Variants in RANBP9 observed in about 807,000 individuals in gnomAD.
RANBP9 encodes ran-binding protein 9.
A neutral mutation model predicts 84.3 loss-of-function variants in RANBP9; 15 were observed. The observed-to-expected ratio is 0.18, with a 90% CI of 0.12 to 0.27. The LOEUF is 0.27. Among genes scored for constraint, RANBP9 ranks in the 10% least tolerant of loss-of-function variants. The probability of loss-of-function intolerance (pLI) is 1.00; values close to 1 mark genes in which losing one functional copy is unlikely to be tolerated. For synonymous variants in RANBP9, 392 were observed against 349.6 expected (o/e 1.12, Z -1.35); for missense variants, 809 against 912.8 (o/e 0.89, Z 1.46).
chr6:13,697,925 T>C (rs1757879208), intron 1 of RANBP9, among the ~76,000 whole-genome samples: 1 of 152,220 alleles, frequency 6.6e-6, no homozygotes, highest in African/African-American at 2.4e-5. Flanking sequence ...ATTATCTTCA[T>C]GGGTAGCAGA....
rs185485755 is a variant in RANBP9, at chr6:13,661,730, G to C, written c.684-2898C>G. The stretch of plus-strand genomic sequence containing the variant: ...GAATTGAAAAACATGTTGTTGAACT[G>C]AAAATACACACTACATACTGAGGAA... On this transcript the variant is annotated intron_variant, in intron 2 of 13. Transcript: ENST00000011619. Among the ~76,000 whole-genome samples the C allele has an allele frequency of 1.7e-3, 253 of 152,210 alleles. 1 individual carries two copies. The highest frequency in any genetic ancestry group is 3.1e-3 in the Non-Finnish European group (212 of 68,010).
chr6:13,656,896 A>G lies in RANBP9; in HGVS notation c.904+213T>C, dbSNP rs189142443. 1.5e-3 allele frequency among the ~76,000 whole-genome samples: 225 copies of G among 152,248 alleles called. 1 individual carries two copies. The highest frequency in any genetic ancestry group is 2.3e-3 in the Non-Finnish European group (157 of 68,028). ...ATTATTTCTACAGTAACTCCTATAC[A>G]TATATGTATTATATAGATGGCCTTC... On this transcript the variant is annotated intron_variant, in intron 4 of 13. Coordinates refer to ENST00000011619, the MANE Select transcript of RANBP9 (RefSeq NM_005493.3).
intron 11 of RANBP9, among the ~76,000 whole-genome samples, chr6:13,633,285 C>G (rs901058511): frequency 2.0e-5 from 3 of 152,152 alleles, no homozygotes; most frequent in Non-Finnish European, 4.4e-5. Flanking sequence ...CCGCCCACCT[C>G]GGCCTCCCAA....
At chr6:13,688,852 C>T (rs1641415899) in intron 2 of RANBP9, among the ~76,000 whole-genome samples, 1 of 151,610 alleles carries the variant, frequency 6.6e-6, no homozygotes, top group South Asian at 2.1e-4. Flanking sequence ...ATCTTCCCTA[C>T]TCAAAAAGAT....
rs532454409 is a variant in RANBP9 at position 13,679,936 on chromosome 6, T to C, written c.683+16849A>G. ...TTAATATAAATCGGTCAAAAAATAGTGTTCTTATTTACTTAAGAATTACAA... is the reference window on the plus strand; with the variant it reads ...TTAATATAAATCGGTCAAAAAATAGCGTTCTTATTTACTTAAGAATTACAA... On this transcript the variant is annotated intron_variant, in intron 2 of 13. Transcript: ENST00000011619. Among the ~76,000 whole-genome samples the C allele has an allele frequency of 2.6e-3, 400 of 152,258 alleles. 2 individuals carry two copies. Among genetic ancestry groups the C allele is most frequent in the African/African-American group, 9.2e-3 (381 of 41,554 alleles).
At chr6:13,659,342 AT>A (rs531446093) in intron 2 of RANBP9, among the ~76,000 whole-genome samples, 183 of 152,146 alleles carry the variant, frequency 1.2e-3, no homozygotes, top group African/African-American at 4.2e-3. Flanking sequence ...TCACATAAAA[AT>A]ATCTTAATAA....
intron 5 of RANBP9, among the ~76,000 whole-genome samples, chr6:13,648,482 A>T (rs894224075): frequency 6.6e-6 from 1 of 152,116 alleles, no homozygotes; most frequent in Non-Finnish European, 1.5e-5. Context: ...TCATCCATGC[A>T]GCAGGTGCAT....
chr6:13,711,211 C>T lies in RANBP9; in HGVS notation c.295G>A (p.Ala99Thr). The change falls in exon 1 of 14, where the codon GCC becomes ACC. Residue 99 changes from alanine to threonine, a missense_variant. By Grantham distance (58) the Ala-to-Thr change is moderately conservative. This residue lies in a region of RANBP9 where 302 missense variants were observed against 240.1 expected (regional missense o/e 1.26). Coordinates refer to ENST00000011619, the MANE Select transcript of RANBP9 (RefSeq NM_005493.3). ...CCCGGGGGAGCGGGCGGCCCGCTGG[C>T]GGGGGCAGCCGCTGAGGCAGGGGGA... ...PPPPASAAAP[A>T]SGPPAPPGLA... is the part of the protein sequence containing the mutation. 1 of 710,074 alleles carries T rather than the reference C, an allele frequency of 1.4e-6. No homozygotes were observed. Among genetic ancestry groups the T allele is most frequent in the Non-Finnish European group, 1.7e-6 (1 of 581,062 alleles). The allele number at this position is 710,074 out of a possible 1,614,324, so 44.0% of individuals were successfully genotyped here. A position where few individuals can be genotyped will look rare whatever the true frequency, so the allele number is the denominator to read the frequency against.
chr6:13,675,265 G>C (rs1045580617), intron 2 of RANBP9, among the ~76,000 whole-genome samples: 1 of 152,094 alleles, frequency 6.6e-6, no homozygotes, highest in Admixed American at 6.6e-5. Flanking sequence ...CACATTCTGG[G>C]ACATAAGAAA....
In RANBP9 at chr6:13,657,122, A is replaced by G. The variant is rs1471734854; in HGVS notation, c.891T>C (p.Asn297=). ...LINNTCFYTK[N]GHSLGIAFTD... ...TTATCTCAGTACCTAAACTATGTCCATTCTTGGTGTAAAAGCAGGTATTGT... is the reference window on the plus strand; with the variant it reads ...TTATCTCAGTACCTAAACTATGTCCGTTCTTGGTGTAAAAGCAGGTATTGT... Residue 297 remains asparagine (N), a synonymous_variant, in exon 4 of 14, where the codon AAT becomes AAC. Transcript: ENST00000011619. 8.7e-6 allele frequency: 14 copies of G among 1,610,644 alleles called. No individual in the cohort carries two copies. The South Asian group carries it at 1.0e-4, about 11-fold the overall frequency.
intron 11 of RANBP9, among the ~76,000 whole-genome samples, chr6:13,633,716 A>G (rs1764854287): frequency 6.6e-6 from 1 of 152,188 alleles, no homozygotes; most frequent in South Asian, 2.1e-4. Context: ...ATTTCTTTTT[A>G]AAAAACAATT....
At chr6:13,629,484 A>G (rs1764715703) in intron 12 of RANBP9, among the ~76,000 whole-genome samples, 1 of 152,234 alleles carries the variant, frequency 6.6e-6, no homozygotes, top group African/African-American at 2.4e-5. Context: ...CCTCAGTGGA[A>G]TAACTTCTGA....
At chr6:13,655,772 C>G (rs1765383911) in intron 4 of RANBP9, among the ~76,000 whole-genome samples, 1 of 152,124 alleles carries the variant, frequency 6.6e-6, no homozygotes, top group South Asian at 2.1e-4. Context: ...GCAGATTTCT[C>G]CGGATTCAAA....
rs557649241 is a variant in RANBP9, at chr6:13,710,669, G to A, written c.571+266C>T. On this transcript the variant is annotated intron_variant, in intron 1 of 13. Transcript: ENST00000011619. ...GTCCTGTCATCCCGGATTCCCTCAA[G>A]GTGTCCTGCTCCTGGTCTAGGATTA... Among the ~76,000 whole-genome samples the A allele has an allele frequency of 1.9e-3, 288 of 152,292 alleles. 2 individuals are homozygous for A. The highest frequency in any genetic ancestry group is 6.7e-3 in the African/African-American group (277 of 41,556).
At chr6:13,676,637 A>G (rs1362168469) in intron 2 of RANBP9, among the ~76,000 whole-genome samples, 1 of 152,082 alleles carries the variant, frequency 6.6e-6, no homozygotes, top group Non-Finnish European at 1.5e-5. Context: ...AATAAATTAA[A>G]TTAAAATTTT....
At chr6:13,690,957 A>G (rs1766309841) in intron 2 of RANBP9, among the ~76,000 whole-genome samples, 1 of 152,132 alleles carries the variant, frequency 6.6e-6, no homozygotes, top group East Asian at 1.9e-4. Flanking sequence ...TTTTGAGGTC[A>G]GGAGTTCAAG....
At position 13,642,461 on chromosome 6, in the gene RANBP9, G is replaced by C. The variant is rs752363260; in HGVS notation, c.1225+18C>G. 11 of 1,373,054 alleles carry C rather than the reference G, an allele frequency of 8.0e-6. No individual in the cohort carries two copies. The highest frequency in any genetic ancestry group is 1.1e-5 in the Non-Finnish European group (11 of 1,004,028). 85.1% of individuals were successfully genotyped at this position (1,373,054 alleles called of 1,614,324 possible). ...TAATCTGAAAACAAATGTTAGCCAT[G>C]CACCACAGTGTCCTTACTTTGTCTA... On this transcript the variant is annotated intron_variant, in intron 7 of 13. Coordinates refer to ENST00000011619, the MANE Select transcript of RANBP9 (RefSeq NM_005493.3).
Position 13,632,364 on chromosome 6 carries a change from A to G in RANBP9, c.1947+6T>C, listed in dbSNP as rs200462522. 424 of 1,606,618 alleles carry G rather than the reference A, an allele frequency of 2.6e-4. 2 individuals are homozygous for G. The highest frequency in any genetic ancestry group is 3.4e-4 in the Non-Finnish European group (406 of 1,177,306). On this transcript the variant is annotated splice_donor_region_variant and intron_variant, in intron 12 of 13. Transcript: ENST00000011619. ...TTCATAATTTTTCAAGAAAAAATATATTCACCTTCAACATTTTTTTGTTTG... is the reference window on the plus strand; with the variant it reads ...TTCATAATTTTTCAAGAAAAAATATGTTCACCTTCAACATTTTTTTGTTTG...
At chr6:13,673,370 C>T (rs78377143) in intron 2 of RANBP9, among the ~76,000 whole-genome samples, 1 of 152,228 alleles carries the variant, frequency 6.6e-6, no homozygotes, top group Non-Finnish European at 1.5e-5. Context: ...ACTTGTGGCC[C>T]ACAAACTTGC....
Sources: gnomAD v4.1 joint callset for allele counts (sites outside exome capture counted in the v4.1 genomes callset) on GRCh38, gnomAD v4.1.1 for gene constraint, gnomAD v4.1.1 regional missense constraint, MANE v1.5 for transcripts, NCBI Gene and HGNC (gene_info 2026-07-23, HGNC 2026-07-21) for gene names.